Variants in ZNF385D observed in about 807,000 individuals in gnomAD.
ZNF385D encodes the protein zinc finger protein 659.
ZNF385D carries 15 observed loss-of-function variants against 35.8 expected under a neutral mutation model. That is an observed-to-expected ratio of 0.42 (90% CI 0.28 to 0.64). The LOEUF (loss-of-function observed/expected upper bound fraction) is 0.64. Ranked by LOEUF, ZNF385D falls within the 30% of genes least tolerant of loss-of-function variation. The pLI is 0.23. For synonymous variants in ZNF385D, 212 were observed against 186.8 expected (o/e 1.13, Z -1.10); for missense variants, 474 against 494.6 (o/e 0.96, Z 0.39).
At chr3:22,206,867 A>G (rs1401867178) in intron 2 of ZNF385D, among the ~76,000 whole-genome samples, 2 of 151,900 alleles carry the variant, frequency 1.3e-5, no homozygotes, top group Non-Finnish European at 2.9e-5. Context: ...AAGTACAAGA[A>G]AAGAGCAAAC....
chr3:21,485,576 A>G (rs917148989), intron 4 of ZNF385D, among the ~76,000 whole-genome samples: 1 of 152,058 alleles, frequency 6.6e-6, no homozygotes, highest in Non-Finnish European at 1.5e-5. Context: ...AATATAGATA[A>G]CATCTCTTTG....
chr3:22,107,381 C>T (rs1702280995), intron 3 of ZNF385D, among the ~76,000 whole-genome samples: 1 of 151,846 alleles, frequency 6.6e-6, no homozygotes, highest in African/African-American at 2.4e-5. Context: ...GTTAAATTTT[C>T]TAGATTTTTT....
intron 3 of ZNF385D, among the ~76,000 whole-genome samples, chr3:21,527,308 C>T (rs1708285355): frequency 6.6e-6 from 1 of 152,140 alleles, no homozygotes; most frequent in Non-Finnish European, 1.5e-5. Context: ...TGGTTTACAT[C>T]CTCATGATGG....
At chr3:21,832,381 T>C (rs1232986927) in intron 3 of ZNF385D, among the ~76,000 whole-genome samples, 1 of 152,202 alleles carries the variant, frequency 6.6e-6, no homozygotes, top group African/African-American at 2.4e-5. Flanking sequence ...ATAATGAACA[T>C]TTTTAAACAA....
At chr3:22,179,930 A>T (rs1050968000) in intron 2 of ZNF385D, among the ~76,000 whole-genome samples, 5 of 152,112 alleles carry the variant, frequency 3.3e-5, no homozygotes, top group South Asian at 2.1e-4. Context: ...AAGAAATAAC[A>T]AAGATCAGAG....
intron 3 of ZNF385D, among the ~76,000 whole-genome samples, chr3:21,804,864 ACTATTAT>A (rs2072566607): frequency 8.5e-5 from 2 of 23,396 alleles, no homozygotes. Flanking sequence ...ATACTTTACC[ACTATTAT>A]AAGAAAGAAC....
intron 3 of ZNF385D, among the ~76,000 whole-genome samples, chr3:21,993,158 T>C (rs989108016): frequency 6.6e-6 from 1 of 152,224 alleles, no homozygotes; most frequent in Non-Finnish European, 1.5e-5. Context: ...ATATCAGCTA[T>C]GGAAAACAAA....
In ZNF385D at chr3:22,104,160, A is replaced by G. The variant is rs550052439; in HGVS notation, c.325+64657T>C. 1.5e-4 allele frequency among the ~76,000 whole-genome samples: 23 copies of G among 152,170 alleles called. No individual in the cohort carries two copies. In the East Asian group the frequency reaches 4.1e-3, roughly 27 times the overall value. On this transcript the variant is annotated intron_variant, in intron 3 of 5. Coordinates refer to the ZNF385D transcript ENST00000494108. ...TTGGTCCAGCTCTGAGGGAAAATGC[A>G]TTTATGCCCCTGCAGTTGCCATTAC...
chr3:21,934,953 TGTGA>T (rs1189008192), intron 3 of ZNF385D, among the ~76,000 whole-genome samples: 3 of 152,330 alleles, frequency 2.0e-5, no homozygotes, highest in Middle Eastern at 3.4e-3. Context: ...TCTTAGTTGA[TGTGA>T]GTAAGAAGAT....
intron 3 of ZNF385D, among the ~76,000 whole-genome samples, chr3:21,850,730 T>G (rs980688484): frequency 4.6e-5 from 7 of 152,086 alleles, no homozygotes; most frequent in Non-Finnish European, 8.8e-5. Context: ...TGTTGAACAC[T>G]TGGGATACTT....
At chr3:21,781,399 A>G (rs1269463405) in intron 3 of ZNF385D, among the ~76,000 whole-genome samples, 1 of 152,006 alleles carries the variant, frequency 6.6e-6, no homozygotes, top group East Asian at 1.9e-4. Flanking sequence ...AAATATTTCA[A>G]CTCCTCCTTA....
chr3:22,071,957 C>A (rs1357974183), intron 3 of ZNF385D, among the ~76,000 whole-genome samples: 1 of 151,956 alleles, frequency 6.6e-6, no homozygotes, highest in Non-Finnish European at 1.5e-5. Flanking sequence ...ATTCTATTTA[C>A]CAAGAAACCT....
chr3:22,167,963 T>C (rs548318621), intron 3 of ZNF385D, among the ~76,000 whole-genome samples: 136 of 152,324 alleles, frequency 8.9e-4, no homozygotes, highest in African/African-American at 3.1e-3. Flanking sequence ...AGAATGTACT[T>C]TTATTTTTCT....
intron 2 of ZNF385D, among the ~76,000 whole-genome samples, chr3:22,217,246 A>C (rs971106024): frequency 6.6e-6 from 1 of 152,122 alleles, no homozygotes; most frequent in Non-Finnish European, 1.5e-5. Context: ...TCTCACAGAA[A>C]CCACAATAAA....
At chr3:22,082,789 C>T (rs1184557773) in intron 3 of ZNF385D, among the ~76,000 whole-genome samples, 1 of 152,174 alleles carries the variant, frequency 6.6e-6, no homozygotes, top group Non-Finnish European at 1.5e-5. Context: ...AACTGGGAGA[C>T]ACCTCCCAGT....
chr3:21,822,206 G>A (rs1481140963), intron 3 of ZNF385D, among the ~76,000 whole-genome samples: 1 of 151,826 alleles, frequency 6.6e-6, no homozygotes, highest in Non-Finnish European at 1.5e-5. Context: ...CTAGTAGCTG[G>A]GACTACAGGC....
At chr3:21,782,498 T>C (rs920402112) in intron 3 of ZNF385D, among the ~76,000 whole-genome samples, 1 of 152,110 alleles carries the variant, frequency 6.6e-6, no homozygotes, top group African/African-American at 2.4e-5. Flanking sequence ...AATTTGATCA[T>C]TTTAATTGTC....
chr3:22,318,695 G>A (rs1704035936), intron 2 of ZNF385D, among the ~76,000 whole-genome samples: 1 of 150,896 alleles, frequency 6.6e-6, no homozygotes, highest in Non-Finnish European at 1.5e-5. Flanking sequence ...TACAAGACAA[G>A]AAGAAAAAGA....
At chr3:22,082,361 T>C (rs1165392970) in intron 3 of ZNF385D, among the ~76,000 whole-genome samples, 1 of 152,150 alleles carries the variant, frequency 6.6e-6, no homozygotes, top group Non-Finnish European at 1.5e-5. Flanking sequence ...TACTGCACTT[T>C]TCCAATGGTC....
Sources: allele counts gnomAD v4.1 joint callset (sites outside exome capture counted in the v4.1 genomes callset), GRCh38; gene constraint gnomAD v4.1.1; transcripts MANE v1.5; gene names NCBI Gene and HGNC (gene_info 2026-07-23, HGNC 2026-07-21).